Variants in USP49 observed in about 807,000 individuals in gnomAD.
USP49 encodes the protein ubiquitin specific peptidase 49.
In USP49, 24 loss-of-function variants were observed where a neutral mutation model predicts 58.6. The ratio of observed to expected loss-of-function variants is 0.41; its 90% confidence interval spans 0.30 to 0.58. The LOEUF is 0.58. Ranked by LOEUF, USP49 falls within the 20% of genes least tolerant of loss-of-function variation. The probability of loss-of-function intolerance (pLI) is 0.30; values close to 1 mark genes in which losing one functional copy is unlikely to be tolerated. For synonymous variants in USP49, 408 were observed against 365.1 expected (o/e 1.12, Z -1.34); for missense variants, 703 against 866.1 (o/e 0.81, Z 2.36).
At chr6:41,800,041 A>G (rs1470875324) in intron 5 of USP49, 103 bp from the exon 6 acceptor site, 3 of 1,061,956 alleles carry the variant, frequency 2.8e-6, no homozygotes, top group Non-Finnish European at 4.3e-6. Flanking sequence ...CATATTTCTC[A>G]GTATCTGAAC....
chr6:41,794,604 TA>T lies in USP49; in HGVS notation c.*1928del, dbSNP rs1772855505. 6.6e-6 allele frequency: 1 copy of T among 152,162 alleles called. No individual in the cohort carries two copies. The highest frequency in any genetic ancestry group is 1.5e-5 in the Non-Finnish European group (1 of 68,024). The allele number at this position is 152,162 out of a possible 1,614,324, so 9.4% of individuals were successfully genotyped here. ...AAAGTCATTACTAATCATGCCGACT[TA>T]AAAACGTGGATCTTGAGAGTACAGC... On this transcript the variant is annotated 3_prime_UTR_variant, in exon 8 of 8. Transcript: ENST00000682992.
At chr6:41,840,218 C>A (rs1352347777) in intron 3 of USP49, among the ~76,000 whole-genome samples, 1 of 151,164 alleles carries the variant, frequency 6.6e-6, no homozygotes, top group African/African-American at 2.4e-5. Context: ...ACTAAAAATA[C>A]AAAAAATTAG....
At chr6:41,841,344 C>T (rs1365915668) in intron 3 of USP49, among the ~76,000 whole-genome samples, 2 of 152,290 alleles carry the variant, frequency 1.3e-5, no homozygotes, top group East Asian at 3.9e-4. Context: ...AAGGAGCTTA[C>T]CATCCAGAGA....
chr6:41,835,843 G>T (rs1376006301), intron 3 of USP49, among the ~76,000 whole-genome samples: 1 of 152,118 alleles, frequency 6.6e-6, no homozygotes, highest in Non-Finnish European at 1.5e-5. Flanking sequence ...GGAGGTCAAG[G>T]TGGGAGGATT....
rs1443081937 is a variant in USP49, at chr6:41,803,297, T to C, written c.1561+509A>G. 5.9e-5 allele frequency among the ~76,000 whole-genome samples: 9 copies of C among 151,624 alleles called. 1 individual carries two copies. Among genetic ancestry groups the C allele is most frequent in the African/African-American group, 2.2e-4 (9 of 41,376 alleles). On this transcript the variant is annotated intron_variant, in intron 5 of 7. Transcript: ENST00000682992. The surrounding 1 kb of genome is among the most constrained non-coding windows in gnomAD (Gnocchi z 4.1). ...AATCAACTCCTAGGTCTTTGTTTCA[T>C]TTGTTGTTGTTGTTGTTGTTGTTTG...
chr6:41,795,284 T>C lies in USP49; in HGVS notation c.*1249A>G, dbSNP rs1156635281. On this transcript the variant is annotated 3_prime_UTR_variant, in exon 8 of 8. Transcript: ENST00000682992. ...CCTGATGGGGACAAGGGTTTTTATC[T>C]GGGCAATTTCATTCTGTTTAGAAAC... 2.6e-5 allele frequency: 4 copies of C among 152,178 alleles called. No homozygotes were observed. The highest frequency in any genetic ancestry group is 9.7e-5 in the African/African-American group (4 of 41,414). 9.4% of individuals were successfully genotyped at this position (152,178 alleles called of 1,614,324 possible).
At chr6:41,798,383 C>T (rs1772927948) in intron 7 of USP49, 1 of 305,916 alleles carries the variant, frequency 3.3e-6, no homozygotes, top group Non-Finnish European at 5.9e-6. Flanking sequence ...AAGCGATTCT[C>T]CTGCCTCAGC....
intron 3 of USP49, among the ~76,000 whole-genome samples, chr6:41,845,506 G>A (rs1773906939): frequency 6.6e-6 from 1 of 150,784 alleles, no homozygotes; most frequent in Non-Finnish European, 1.5e-5. Context: ...GGCAACAAGA[G>A]CAAAACTCCA....
At chr6:41,799,034 G>C in intron 6 of USP49, 105 bp from the exon 7 acceptor site, 3 of 1,435,986 alleles carry the variant, frequency 2.1e-6, no homozygotes, top group Non-Finnish European at 2.7e-6. Flanking sequence ...TAACCTTCTG[G>C]TTTTGGTTTT....
intron 2 of USP49, among the ~76,000 whole-genome samples, chr6:41,872,024 G>A (rs988958267): frequency 3.3e-5 from 5 of 152,168 alleles, no homozygotes; most frequent in Admixed American, 6.5e-5. Flanking sequence ...TTATTTTTGC[G>A]TAAGCAAAAT....
At chr6:41,817,605 G>A (rs1225969833) in intron 3 of USP49, among the ~76,000 whole-genome samples, 1 of 151,344 alleles carries the variant, frequency 6.6e-6, no homozygotes, top group Admixed American at 6.6e-5. Context: ...GATTACAGGC[G>A]CCCACCACCA....
At chr6:41,837,522 C>T (rs1416914367) in intron 3 of USP49, among the ~76,000 whole-genome samples, 1 of 152,174 alleles carries the variant, frequency 6.6e-6, no homozygotes, top group Admixed American at 6.6e-5. Context: ...CTAGGAAATA[C>T]CATTCTGGAC....
At chr6:41,828,192 C>G (rs1252250149) in intron 3 of USP49, among the ~76,000 whole-genome samples, 1 of 152,080 alleles carries the variant, frequency 6.6e-6, no homozygotes, top group Non-Finnish European at 1.5e-5. Flanking sequence ...CACCTGTAAT[C>G]CCAGCACTTT....
chr6:41,889,163 G>A (rs1037146274), intron 2 of USP49, among the ~76,000 whole-genome samples: 36 of 151,936 alleles, frequency 2.4e-4, no homozygotes, highest in Non-Finnish European at 3.7e-4. Flanking sequence ...CTCCAGAGTA[G>A]CTGGGATTAC....
chr6:41,873,118 G>C (rs947358948), intron 2 of USP49: 8 of 152,214 alleles, frequency 5.3e-5, no homozygotes, highest in African/African-American at 1.9e-4. Flanking sequence ...GAGAGGGAAA[G>C]AAAAAGAAGA....
chr6:41,859,796 G>A (rs1424721088), intron 3 of USP49, among the ~76,000 whole-genome samples: 1 of 152,088 alleles, frequency 6.6e-6, no homozygotes, highest in African/African-American at 2.4e-5. Context: ...CTTTCTGATC[G>A]AAAAGAGTAC....
chr6:41,858,936 C>G (rs1051268373), intron 3 of USP49, among the ~76,000 whole-genome samples: 7 of 152,148 alleles, frequency 4.6e-5, no homozygotes, highest in Non-Finnish European at 8.8e-5. Flanking sequence ...TGGGTCACAG[C>G]TATATCTCAA....
At chr6:41,883,619 T>G (rs1281165366) in intron 2 of USP49, among the ~76,000 whole-genome samples, 6 of 143,198 alleles carry the variant, frequency 4.2e-5, no homozygotes, top group African/African-American at 1.5e-4. Context: ...CGAGACTCCA[T>G]CTCAAAATAA....
In USP49 at chr6:41,827,906, T is replaced by A. The variant is rs188550218; in HGVS notation, c.-28-20895A>T. ...AACAGGCTCAGAGAAGTAAAGAAAC[T>A]TCTCCAAGGTTGCACTGCTGGTACA... On this transcript the variant is annotated intron_variant, in intron 3 of 7. Coordinates refer to ENST00000682992, the MANE Select transcript of USP49 (RefSeq NM_001286554.2). Among the ~76,000 whole-genome samples, 3 of 152,250 alleles carry A rather than the reference T, an allele frequency of 2.0e-5. No homozygotes were observed. In the East Asian group the frequency reaches 5.8e-4, roughly 29 times the overall value.
Sources: allele counts gnomAD v4.1 joint callset (sites outside exome capture counted in the v4.1 genomes callset), GRCh38; gene constraint gnomAD v4.1.1; non-coding constraint Gnocchi (gnomAD v3.1); transcripts MANE v1.5; gene names NCBI Gene and HGNC (gene_info 2026-07-23, HGNC 2026-07-21).